MEGF8: variants seen among roughly 807,000 people sequenced by gnomAD.
The protein encoded by MEGF8 is multiple epidermal growth factor-like domains protein 8.
MEGF8 carries 156 observed loss-of-function variants against 302.9 expected under a neutral mutation model. That is an observed-to-expected ratio of 0.52 (90% confidence interval 0.45 to 0.59). MEGF8 has a LOEUF of 0.59. Ranked by LOEUF, MEGF8 falls within the 20% of genes least tolerant of loss-of-function variation. The probability of loss-of-function intolerance (pLI) is 0.00; values close to 1 mark genes in which losing one functional copy is unlikely to be tolerated. For missense variants in MEGF8, 3,345 were observed against 3,964.5 expected (o/e 0.84, Z 4.20); for synonymous variants, 1,621 against 1,660.5 (o/e 0.98, Z 0.58).
Position 42,368,704 on chromosome 19 carries a change from G to C in MEGF8, c.6481+42G>C. ...CACTGGGGGAGAGGGGCTGGCCCTT[G>C]GTTGGGGTCTGATACAGTGAACATA... On this transcript the variant is annotated intron_variant, in intron 36 of 41. Transcript: ENST00000251268. This position sits in a 1 kb window ranked among gnomAD's most constrained non-coding sequence, Gnocchi z 4.9. 6.5e-7 allele frequency: 1 copy of C among 1,532,310 alleles called. No individual in the cohort carries two copies. The highest frequency in any genetic ancestry group is 8.8e-7 in the Non-Finnish European group (1 of 1,140,848). The allele number at this position is 1,532,310 out of a possible 1,614,324, so 94.9% of individuals were successfully genotyped here.
intron 14 of MEGF8, 148 bp from the exon 15 acceptor site, chr19:42,350,000 C>A: frequency 1.5e-6 from 1 of 675,084 alleles, no homozygotes; most frequent in Non-Finnish European, 2.5e-6. Context: ...TCCTCCAGAC[C>A]TTGGACCTCT....
Position 42,368,938 on chromosome 19 carries a change from C to G in MEGF8, c.6577C>G (p.Gln2193Glu). 1.2e-6 allele frequency: 2 copies of G among 1,613,924 alleles called. No homozygotes were observed. Among genetic ancestry groups the G allele is most frequent in the South Asian group, 2.2e-5 (2 of 91,090 alleles). ...CGGGCACCACGACTGCAACGAGACG[C>G]AGAATTGCCACGACCAGCCCCACGG... ...ANGHHDCNET[Q>E]NCHDQPHGYE... The change falls in exon 37 of 42, where the codon CAG (glutamine) becomes GAG (glutamate). Residue 2193 changes from glutamine to glutamate, a missense_variant. Coordinates refer to ENST00000251268, the MANE Select transcript of MEGF8 (RefSeq NM_001271938.2). The surrounding 1 kb of genome is among the most constrained non-coding windows in gnomAD (Gnocchi z 4.9).
At chr19:42,349,402 G>C (rs1315298326) in intron 13 of MEGF8, 97 bp from the exon 14 acceptor site, 3 of 1,070,154 alleles carry the variant, frequency 2.8e-6, no homozygotes, top group Non-Finnish European at 4.0e-6. Context: ...CTTCTTAGGA[G>C]GGGGTGGGGT....
Position 42,344,334 on chromosome 19 carries a change from C to A in MEGF8, c.1789-107C>A. 7.4e-7 allele frequency: 1 copy of A among 1,350,674 alleles called. No homozygotes were observed. The highest frequency in any genetic ancestry group is 9.8e-7 in the Non-Finnish European group (1 of 1,025,302). The allele number at this position is 1,350,674 out of a possible 1,614,324, so 83.7% of individuals were successfully genotyped here. On this transcript the variant is annotated intron_variant, in intron 10 of 41. Transcript: ENST00000251268. This position sits in a 1 kb window ranked among gnomAD's most constrained non-coding sequence, Gnocchi z 4.5. ...CATTCCAAGTCAACTCCCCGTTCTT[C>A]AGTTTTTTCGCCCTTTCCATCGCAG... is the stretch of plus-strand genomic sequence containing the variant.
intron 8 of MEGF8, among the ~76,000 whole-genome samples, chr19:42,338,377 G>A (rs1040935579): frequency 6.6e-6 from 1 of 152,010 alleles, no homozygotes; most frequent in Non-Finnish European, 1.5e-5. Context: ...GTAGCTGGGA[G>A]TATAGGCGCA....
chr19:42,371,317 T>C (rs1438472823), intron 40 of MEGF8, 33 bp from the exon 41 acceptor site: 1 of 1,611,394 alleles, frequency 6.2e-7, no homozygotes, highest in Non-Finnish European at 8.5e-7. Context: ...CTGCAGGCCA[T>C]GGGGGCTCCG....
rs2039083438 is a variant in MEGF8 at position 42,333,642 on chromosome 19, T to G, written c.225T>G (p.Leu75=). ...SPQHRILLDF[L]FLDTECTYDY... ...AGCACCGGATCCTGCTGGACTTCCT[T>G]TTCCTGGACACAGAGTGCACGTATG... The change falls in exon 2 of 42, where the codon CTT becomes CTG. Residue 75 remains leucine (L), a synonymous_variant. Transcript: ENST00000251268. 2 of 1,613,840 alleles carry G rather than the reference T, an allele frequency of 1.2e-6. No homozygotes were observed.
intron 12 of MEGF8, 24 bp from the exon 13 acceptor site, chr19:42,348,248 A>G: frequency 1.3e-6 from 2 of 1,531,264 alleles, no homozygotes; most frequent in Non-Finnish European, 1.8e-6. Flanking sequence ...GGACTCACAC[A>G]TACACCCATC....
chr19:42,359,523 A>C (rs2039502111), intron 31 of MEGF8, among the ~76,000 whole-genome samples: 1 of 152,064 alleles, frequency 6.6e-6, no homozygotes, highest in Non-Finnish European at 1.5e-5. Context: ...TCTAGAGACA[A>C]CCACTATTAG....
Position 42,344,963 on chromosome 19 carries a change from T to C in MEGF8, c.2097+130T>C. Reference sequence around the variant, plus strand: ...TTTACATTCAAGGGTCTTATTTTCCTTATGGACTTTATTTTTTATTTTTTT... The same window carrying C: ...TTTACATTCAAGGGTCTTATTTTCCCTATGGACTTTATTTTTTATTTTTTT... On this transcript the variant is annotated intron_variant, in intron 12 of 41. Transcript: ENST00000251268. This position sits in a 1 kb window ranked among gnomAD's most constrained non-coding sequence, Gnocchi z 4.5. 9.8e-7 allele frequency: 1 copy of C among 1,023,554 alleles called. No individual in the cohort carries two copies. The highest frequency in any genetic ancestry group is 3.0e-5 in the East Asian group (1 of 33,714). The allele number at this position is 1,023,554 out of a possible 1,614,324, so 63.4% of individuals were successfully genotyped here.
At chr19:42,338,809 TTTTTTCTTTCTATGTA>T (rs2039169250) in intron 8 of MEGF8, among the ~76,000 whole-genome samples, 1 of 150,976 alleles carries the variant, frequency 6.6e-6, no homozygotes, top group African/African-American at 2.4e-5. Flanking sequence ...TTCTTTTTTT[TTTTTTCTTTCTATGTA>T]TTTTTTTTTT....
intron 1 of MEGF8, among the ~76,000 whole-genome samples, chr19:42,330,955 G>A (rs2039046745): frequency 1.3e-5 from 2 of 152,230 alleles, no homozygotes; most frequent in African/African-American, 4.8e-5. Flanking sequence ...TGAACAGCAG[G>A]TTAGGGACCT....
chr19:42,360,444 C>G (rs1349068884), intron 31 of MEGF8, among the ~76,000 whole-genome samples: 1 of 151,448 alleles, frequency 6.6e-6, no homozygotes, highest in Non-Finnish European at 1.5e-5. Flanking sequence ...CTCCTGGGCT[C>G]AAGTGATCCT....
At chr19:42,327,447 G>T (rs1322755581) in intron 1 of MEGF8, among the ~76,000 whole-genome samples, 1 of 152,198 alleles carries the variant, frequency 6.6e-6, no homozygotes, top group East Asian at 1.9e-4. Context: ...GAACAGAGAG[G>T]CTTCCTGGAG....
At chr19:42,337,814 T>G (rs951057059) in intron 8 of MEGF8, among the ~76,000 whole-genome samples, 1 of 151,410 alleles carries the variant, frequency 6.6e-6, no homozygotes, top group Non-Finnish European at 1.5e-5. Flanking sequence ...CCTCTTTTCT[T>G]TTTTTTTGAG....
chr19:42,356,038 AG>A lies in MEGF8; in HGVS notation c.4392+36del, dbSNP rs1246315686. 1 of 1,602,406 alleles carries A rather than the reference AG, an allele frequency of 6.2e-7. No homozygotes were observed. The highest frequency in any genetic ancestry group is 8.5e-7 in the Non-Finnish European group (1 of 1,171,800). On this transcript the variant is annotated intron_variant, in intron 24 of 41. Transcript: ENST00000251268. This position sits in a 1 kb window ranked among gnomAD's most constrained non-coding sequence, Gnocchi z 5.2. ...TGGGAGAGGGCAAGTCTGGTGGGAC[AG>A]GGCTGGTGATCAGGGCTCCCCTGAG...
Position 42,354,504 on chromosome 19 carries a change from C to T in MEGF8, c.4012-84C>T. 2 of 1,477,588 alleles carry T rather than the reference C, an allele frequency of 1.4e-6. No homozygotes were observed. The highest frequency in any genetic ancestry group is 1.8e-6 in the Non-Finnish European group (2 of 1,089,614). The allele number at this position is 1,477,588 out of a possible 1,614,324, so 91.5% of individuals were successfully genotyped here. A position where few individuals can be genotyped will look rare whatever the true frequency, so the allele number is the denominator to read the frequency against. ...ATTTCCCAGTCTCAGATTGCCCTCC[C>T]CTCTTGAACCCCTCCTCCTCCCAGA... On this transcript the variant is annotated intron_variant, in intron 22 of 41. Coordinates refer to ENST00000251268, the MANE Select transcript of MEGF8 (RefSeq NM_001271938.2). This position sits in a 1 kb window ranked among gnomAD's most constrained non-coding sequence, Gnocchi z 4.3.
At chr19:42,374,146 C>A (rs1341910882) in intron 41 of MEGF8, among the ~76,000 whole-genome samples, 1 of 152,106 alleles carries the variant, frequency 6.6e-6, no homozygotes, top group African/African-American at 2.4e-5. Context: ...GCTGGGGCCT[C>A]AGTGGGGTAC....
chr19:42,332,945 GC>G (rs2039074223), intron 1 of MEGF8, among the ~76,000 whole-genome samples: 1 of 152,182 alleles, frequency 6.6e-6, no homozygotes, highest in African/African-American at 2.4e-5. Flanking sequence ...GGGTTACTTG[GC>G]CAAGATCACA....
Sources: allele counts gnomAD v4.1 joint callset (sites outside exome capture counted in the v4.1 genomes callset), GRCh38; gene constraint gnomAD v4.1.1; non-coding constraint Gnocchi (gnomAD v3.1); transcripts MANE v1.5; gene names NCBI Gene and HGNC (gene_info 2026-07-23, HGNC 2026-07-21).